ACER1: variants seen among roughly 807,000 people sequenced by gnomAD.
The protein encoded by ACER1 is alkaline ceramidase 1.
ACER1 carries 28 observed loss-of-function variants against 24.9 expected under a neutral mutation model. The ratio of observed to expected loss-of-function variants is 1.13; its 90% CI spans 0.83 to 1.54. The LOEUF (loss-of-function observed/expected upper bound fraction) is 1.54, where lower values mean the gene tolerates loss of function less well. Among genes scored for constraint, ACER1 ranks in the 40% most tolerant of loss-of-function variants. The probability of loss-of-function intolerance (pLI) is 0.00; values close to 1 mark genes in which losing one functional copy is unlikely to be tolerated. For missense variants in ACER1, 352 were observed against 349.3 expected, an observed-to-expected ratio of 1.01 and a Z score of -0.06; for synonymous variants, 132 against 131.4, an observed-to-expected ratio of 1.00 and a Z score of -0.03.
In ACER1 at chr19:6,306,475, G is replaced by A. The variant is rs1021154439; in HGVS notation, c.*239C>T. The A allele has an allele frequency of 4.2e-6, 2 of 476,540 alleles. No homozygotes were observed. The highest frequency in any genetic ancestry group is 5.7e-4 in the Middle Eastern group (1 of 1,752). The allele number at this position is 476,540 out of a possible 1,614,324, so 29.5% of individuals were successfully genotyped here. A position where few individuals can be genotyped will look rare whatever the true frequency, so the allele number is the denominator to read the frequency against. On this transcript the variant is annotated 3_prime_UTR_variant, in exon 6 of 6. Coordinates refer to ENST00000301452, the MANE Select transcript of ACER1 (RefSeq NM_133492.3). ...AGAGGAGGAAATGAAAGAGGATGGG[G>A]GGGGTCATGGAGGGGAGATGCACGA... is the stretch of plus-strand genomic sequence containing the variant.
At chr19:6,359,511 T>C in the ACER1 span, among the ~76,000 whole-genome samples, 129 of 151,792 alleles carry the variant, frequency 8.5e-4, 1 homozygote, top group Admixed American at 1.7e-3. Context: ...AGAGACGGAG[T>C]TTCACTGTGT....
chr19:6,337,825 A>T (rs1403923771), upstream of ACER1, among the ~76,000 whole-genome samples: 1 of 149,774 alleles, frequency 6.7e-6, no homozygotes, highest in Non-Finnish European at 1.5e-5. Flanking sequence ...GCAGGCACCC[A>T]CCACCAACGC....
intron 1 of ACER1, among the ~76,000 whole-genome samples, chr19:6,323,476 T>C (rs1344735831): frequency 6.6e-6 from 1 of 152,034 alleles, no homozygotes; most frequent in Non-Finnish European, 1.5e-5. Flanking sequence ...AAGCTCTTTC[T>C]CTTTGCCTGC....
At chr19:6,326,388 G>C (rs1414803739) in intron 1 of ACER1, among the ~76,000 whole-genome samples, 1 of 151,810 alleles carries the variant, frequency 6.6e-6, no homozygotes, top group East Asian at 1.9e-4. Context: ...GGCCTCCCAA[G>C]GTGTTGGGAT....
chr19:6,322,326 C>G (rs1362934533), intron 1 of ACER1, among the ~76,000 whole-genome samples: 3 of 152,150 alleles, frequency 2.0e-5, no homozygotes, highest in Non-Finnish European at 2.9e-5. Context: ...TATTATGCAG[C>G]TATTTAAAAG....
intron 1 of ACER1, among the ~76,000 whole-genome samples, chr19:6,322,327 T>C (rs73920640): frequency 0.011 from 1,686 of 152,360 alleles, 32 homozygotes; most frequent in African/African-American, 0.037. Flanking sequence ...ATTATGCAGC[T>C]ATTTAAAAGG....
intron 1 of ACER1, among the ~76,000 whole-genome samples, chr19:6,323,406 GA>G (rs2091642410): frequency 1.3e-5 from 2 of 149,300 alleles, no homozygotes; most frequent in African/African-American, 5.0e-5. Context: ...GGGTGACAGC[GA>G]GACTCCGTCT....
chr19:6,327,112 G>T (rs1446016967), intron 1 of ACER1, among the ~76,000 whole-genome samples: 7 of 152,214 alleles, frequency 4.6e-5, no homozygotes, highest in Admixed American at 3.9e-4. Flanking sequence ...TGAGCTGCTG[G>T]GCTCTGCATG....
intron 1 of ACER1, among the ~76,000 whole-genome samples, chr19:6,324,700 G>C (rs2145012247): frequency 6.6e-6 from 1 of 151,814 alleles, no homozygotes; most frequent in African/African-American, 2.4e-5. Flanking sequence ...GGGAGGCAGA[G>C]ATTGCACTGT....
intron 1 of ACER1, among the ~76,000 whole-genome samples, chr19:6,326,636 G>A (rs1034424541): frequency 1.3e-5 from 2 of 151,758 alleles, no homozygotes; most frequent in African/African-American, 4.8e-5. Context: ...CTGACACCCC[G>A]TTTCTGGCAC....
At chr19:6,323,768 T>C (rs779662884) in intron 1 of ACER1, among the ~76,000 whole-genome samples, 4 of 152,156 alleles carry the variant, frequency 2.6e-5, no homozygotes, top group Non-Finnish European at 5.9e-5. Context: ...GCTGTGGATA[T>C]TGATAAGAAG....
intron 1 of ACER1, among the ~76,000 whole-genome samples, chr19:6,319,922 G>A (rs1400551510): frequency 6.6e-6 from 1 of 151,976 alleles, no homozygotes; most frequent in Admixed American, 6.6e-5. Flanking sequence ...GACCAGCCTG[G>A]CCGACATGGA....
chr19:6,309,952 A>G (rs2091569660), intron 3 of ACER1, 118 bp from the exon 4 acceptor site: 2 of 1,306,280 alleles, frequency 1.5e-6, no homozygotes, highest in African/African-American at 1.5e-5. Context: ...TGGGGAGCCC[A>G]GATAGGCTCA....
intron 1 of ACER1, among the ~76,000 whole-genome samples, chr19:6,327,851 T>A (rs1450667696): frequency 6.6e-6 from 1 of 151,022 alleles, no homozygotes; most frequent in Non-Finnish European, 1.5e-5. Context: ...CCGAGGTGGG[T>A]GGATCACGAG....
the ACER1 span, chr19:6,343,674 T>C: frequency 1.3e-5 from 2 of 152,708 alleles, no homozygotes; most frequent in East Asian, 3.9e-4. Context: ...CCAACATGGC[T>C]TTGGTGTACC....
chr19:6,321,066 TG>T (rs1411408908), intron 1 of ACER1, among the ~76,000 whole-genome samples: 1 of 151,870 alleles, frequency 6.6e-6, no homozygotes, highest in Non-Finnish European at 1.5e-5. Flanking sequence ...TTTTAAACTA[TG>T]CAATTCAGTG....
chr19:6,347,087 C>T, the ACER1 span, among the ~76,000 whole-genome samples: 1 of 101,276 alleles, frequency 9.9e-6, no homozygotes, highest in Admixed American at 9.7e-5. Flanking sequence ...CACCACGAGT[C>T]CCTGTCTCTA....
At chr19:6,327,149 G>A (rs2091665028) in intron 1 of ACER1, among the ~76,000 whole-genome samples, 1 of 152,234 alleles carries the variant, frequency 6.6e-6, no homozygotes, top group South Asian at 2.1e-4. Flanking sequence ...CAAGAAAGCA[G>A]GCTGGGTGCA....
At chr19:6,351,842 G>A in the ACER1 span, among the ~76,000 whole-genome samples, 15 of 151,976 alleles carry the variant, frequency 9.9e-5, no homozygotes, top group Admixed American at 9.2e-4. Context: ...GGATCACAAC[G>A]CCAGGAGATC....
Sources: gnomAD v4.1 joint callset for allele counts (sites outside exome capture counted in the v4.1 genomes callset) on GRCh38, gnomAD v4.1.1 for gene constraint, MANE v1.5 for transcripts, NCBI Gene and HGNC (gene_info 2026-07-23, HGNC 2026-07-21) for gene names.